Variants in RFFL observed in about 807,000 individuals in gnomAD.
RFFL encodes ring finger and FYVE like domain containing E3 ubiquitin protein ligase.
Under a neutral mutation model 40.4 loss-of-function variants are expected in RFFL, and 16 were observed. The observed-to-expected ratio is 0.40, with a 90% CI of 0.27 to 0.60. RFFL has a LOEUF of 0.60. Among genes scored for constraint, RFFL ranks in the 20% least tolerant of loss-of-function variants. The pLI is 0.47. For missense variants in RFFL, 367 were observed against 451.7 expected, an observed-to-expected ratio of 0.81 and a Z score of 1.70; for synonymous variants, 154 against 167.9, an observed-to-expected ratio of 0.92 and a Z score of 0.64.
At chr17:35,082,490 T>TA (rs1420765172) in intron 1 of RFFL, among the ~76,000 whole-genome samples, 4 of 152,242 alleles carry the variant, frequency 2.6e-5, no homozygotes, top group African/African-American at 9.6e-5. Flanking sequence ...CCACTCATTC[T>TA]AAAAAATTGT....
chr17:35,088,468 A>T (rs1465092456), intron 1 of RFFL, among the ~76,000 whole-genome samples: 3 of 152,040 alleles, frequency 2.0e-5, no homozygotes, highest in Non-Finnish European at 2.9e-5. Flanking sequence ...AGACTTCCCC[A>T]TGTCTGGTCA....
In RFFL at chr17:35,016,416, C is replaced by G. The variant is rs1299037274; in HGVS notation, c.840G>C (p.Glu280Asp). 2 of 1,614,206 alleles carry G rather than the reference C, an allele frequency of 1.2e-6. No individual in the cohort carries two copies. Among genetic ancestry groups the G allele is most frequent in the Admixed American group, 1.7e-5 (1 of 60,034 alleles). Residue 280 changes from glutamate (E) to aspartate (D), a missense_variant, in exon 5 of 7, where the codon GAG (glutamate) becomes GAC (aspartate). By Grantham distance (45) the Glu-to-Asp change is conservative. Coordinates refer to ENST00000394597, the MANE Select transcript of RFFL (RefSeq NM_001017368.2). ...KGCCEKWELM[E>D]RVTRLYKDQK... ...GATCCTTGTATAGCCGGGTCACTCT[C>G]TCCATCAGCTCCCACTTCTCACAGC...
chr17:35,040,653 G>C (rs992562394), intron 1 of RFFL, among the ~76,000 whole-genome samples: 6 of 149,682 alleles, frequency 4.0e-5, no homozygotes, highest in African/African-American at 1.5e-4. Context: ...TTAAATCAAA[G>C]ATGCATAAAT....
chr17:35,063,872 A>G (rs2091307865), upstream of RFFL: 1 of 152,234 alleles, frequency 6.6e-6, no homozygotes, highest in Non-Finnish European at 1.5e-5. Context: ...GAGGCAGCTC[A>G]CTGATTGTTT....
intron 1 of RFFL, among the ~76,000 whole-genome samples, chr17:35,075,986 C>CTTTTTTTTT (rs35996071): frequency 1.1e-4 from 9 of 80,026 alleles, no homozygotes; most frequent in Non-Finnish European, 1.8e-4. Context: ...TCAATTTATT[C>CTTTTTTTTT]TTTTTTTTTT....
At chr17:35,085,515 C>T (rs1206843345) in intron 1 of RFFL, among the ~76,000 whole-genome samples, 2 of 152,142 alleles carry the variant, frequency 1.3e-5, no homozygotes, top group Admixed American at 1.3e-4. Flanking sequence ...CTGCAACCTC[C>T]GTCTCCCAGG....
chr17:35,065,792 C>T (rs1424087893), upstream of RFFL, among the ~76,000 whole-genome samples: 1 of 152,166 alleles, frequency 6.6e-6, no homozygotes, highest in Middle Eastern at 3.2e-3. Flanking sequence ...CATCCTAGTT[C>T]TTCCTTTTAA....
At chr17:35,067,306 C>T (rs956457374), upstream of RFFL, among the ~76,000 whole-genome samples, 2 of 151,814 alleles carry the variant, frequency 1.3e-5, no homozygotes, top group African/African-American at 4.8e-5. Context: ...TAAGTAGAGA[C>T]AGAGTTTTGC....
rs2090933261 is a variant in RFFL at position 35,010,811 on chromosome 17, T to G, written c.*1157A>C. On this transcript the variant is annotated 3_prime_UTR_variant, in exon 7 of 7. Coordinates refer to ENST00000394597, the MANE Select transcript of RFFL (RefSeq NM_001017368.2). ...AAAATCAGTGGGCTAGGAAAGGGAA[T>G]GAAAGTAGGGTCTCCTCACTCCCCA... 1 of 150,894 alleles carries G rather than the reference T, an allele frequency of 6.6e-6. No individual in the cohort carries two copies. The highest frequency in any genetic ancestry group is 2.4e-5 in the African/African-American group (1 of 40,934). The allele number at this position is 150,894 out of a possible 1,614,324, so 9.3% of individuals were successfully genotyped here.
At chr17:35,040,841 CTTTTTTTTTTTT>C (rs869061281) in intron 1 of RFFL, among the ~76,000 whole-genome samples, 12 of 62,392 alleles carry the variant, frequency 1.9e-4, no homozygotes, top group South Asian at 6.2e-4. Context: ...GCTTTAATGT[CTTTTTTTTTTTT>C]TTTTTTTTTT....
chr17:35,029,518 TTTC>T (rs1172066028), intron 1 of RFFL, among the ~76,000 whole-genome samples: 1 of 130,458 alleles, frequency 7.7e-6, no homozygotes, highest in Admixed American at 8.1e-5. Context: ...TAATTTTTGC[TTTC>T]TTTTTTTTTT....
intron 1 of RFFL, among the ~76,000 whole-genome samples, chr17:35,054,448 C>G (rs62062381): frequency 0.045 from 6,864 of 152,250 alleles, 234 homozygotes; most frequent in Non-Finnish European, 0.062. Context: ...ACATCTCATA[C>G]ATGTGCATGA....
At chr17:35,051,093 C>T (rs918269234) in intron 1 of RFFL, among the ~76,000 whole-genome samples, 1 of 152,180 alleles carries the variant, frequency 6.6e-6, no homozygotes, top group African/African-American at 2.4e-5. Flanking sequence ...GTAACATCAA[C>T]AGTCAATTCA....
chr17:35,013,935 T>A (rs183421130), intron 6 of RFFL, among the ~76,000 whole-genome samples: 1 of 152,218 alleles, frequency 6.6e-6, no homozygotes, highest in Admixed American at 6.5e-5. Flanking sequence ...TGATTAGAAG[T>A]AATCAGACAT....
At chr17:35,069,474 C>A (rs2091336305) in intron 1 of RFFL, 2 of 371,028 alleles carry the variant, frequency 5.4e-6, no homozygotes, top group South Asian at 2.0e-5. Flanking sequence ...TCAAGGTAAT[C>A]AAAGTAATGG....
chr17:35,027,647 C>T (rs1300899383), intron 1 of RFFL, among the ~76,000 whole-genome samples: 1 of 150,950 alleles, frequency 6.6e-6, no homozygotes, highest in African/African-American at 2.4e-5. Context: ...TGGCTTGAAC[C>T]CGGGAAGTAG....
chr17:35,080,686 C>T (rs2091399511), intron 1 of RFFL, among the ~76,000 whole-genome samples: 1 of 152,156 alleles, frequency 6.6e-6, no homozygotes, highest in South Asian at 2.1e-4. Flanking sequence ...GCCTAACTTC[C>T]TGTAAGTTTC....
At chr17:35,033,786 C>A (rs75434909) in intron 1 of RFFL, among the ~76,000 whole-genome samples, 2 of 151,762 alleles carry the variant, frequency 1.3e-5, no homozygotes, top group Non-Finnish European at 2.9e-5. Context: ...GCAGGAGAAT[C>A]GCTTGAGGCC....
chr17:35,014,808 G>A (rs749001369), intron 5 of RFFL, 45 bp from the exon 6 acceptor site: 2 of 1,584,538 alleles, frequency 1.3e-6, no homozygotes, highest in African/African-American at 1.3e-5. Flanking sequence ...AGGCATGATG[G>A]TACAAATACA....
Sources: allele counts gnomAD v4.1 joint callset (sites outside exome capture counted in the v4.1 genomes callset), GRCh38; gene constraint gnomAD v4.1.1; transcripts MANE v1.5; gene names NCBI Gene and HGNC (gene_info 2026-07-23, HGNC 2026-07-21).